Variants in COL23A1 observed in about 807,000 individuals in gnomAD.
The protein encoded by COL23A1 is collagen alpha-1(XXIII) chain.
A neutral mutation model predicts 99.3 loss-of-function variants in COL23A1; 97 were observed. The observed-to-expected ratio is 0.98, with a 90% CI of 0.83 to 1.16. The LOEUF is 1.16. Among genes scored for constraint, COL23A1 ranks in the 50% most tolerant of loss-of-function variants. The pLI, the probability that COL23A1 is intolerant of heterozygous loss-of-function variation, is 0.00. For synonymous variants in COL23A1, 320 were observed against 308.2 expected, an observed-to-expected ratio of 1.04 and a Z score of -0.40; for missense variants, 762 against 757.4, an observed-to-expected ratio of 1.01 and a Z score of -0.07.
chr5:178,342,867 A>G (rs1438556590), intron 2 of COL23A1, among the ~76,000 whole-genome samples: 1 of 152,250 alleles, frequency 6.6e-6, no homozygotes, highest in Non-Finnish European at 1.5e-5. Flanking sequence ...AACACATTCG[A>G]GTGAAACTTA....
intron 2 of COL23A1, among the ~76,000 whole-genome samples, chr5:178,545,713 C>T (rs1447209023): frequency 6.6e-6 from 1 of 152,084 alleles, no homozygotes; most frequent in Non-Finnish European, 1.5e-5. Flanking sequence ...TGCTTTTCCA[C>T]AGGGCAGCCA....
chr5:178,343,897 G>A (rs779540746), intron 2 of COL23A1, among the ~76,000 whole-genome samples: 1 of 152,074 alleles, frequency 6.6e-6, no homozygotes, highest in Non-Finnish European at 1.5e-5. Flanking sequence ...TCCTGAGCTC[G>A]TGATCTGCCC....
chr5:178,511,250 C>A (rs748404462), intron 2 of COL23A1, among the ~76,000 whole-genome samples: 7 of 152,196 alleles, frequency 4.6e-5, no homozygotes, highest in Non-Finnish European at 7.4e-5. Context: ...AGCCCATTTT[C>A]TTTGCAGGTT....
At position 178,387,684 on chromosome 5, in the gene COL23A1, C is replaced by T. The variant is rs1466541710; in HGVS notation, c.362-80765G>A. 6.6e-6 allele frequency among the ~76,000 whole-genome samples: 1 copy of T among 152,186 alleles called. No homozygotes were observed. Among genetic ancestry groups the T allele is most frequent in the Non-Finnish European group, 1.5e-5 (1 of 68,040 alleles). ...CGAATACAAAGATAAGGTCAAAGAA[C>T]ACACTCAGTAAATACACGCTGAGCT... On this transcript the variant is annotated intron_variant, in intron 2 of 28. Coordinates refer to ENST00000390654, the MANE Select transcript of COL23A1 (RefSeq NM_173465.4). This position sits in a 1 kb window ranked among gnomAD's most constrained non-coding sequence, Gnocchi z 4.7.
rs1761602072 is a variant in COL23A1 at position 178,546,735 on chromosome 5, CA to C, written c.361+13946del. Among the ~76,000 whole-genome samples, 3 of 152,234 alleles carry C rather than the reference CA, an allele frequency of 2.0e-5. No homozygotes were observed. The South Asian group carries it at 6.2e-4, about 32-fold the overall frequency. ...AGCCAGTCCTATTTGTACCATGTAG[CA>C]AGGGCAGCTATTTCTGTCCGTGACA... On this transcript the variant is annotated intron_variant, in intron 2 of 28. Coordinates refer to ENST00000390654, the MANE Select transcript of COL23A1 (RefSeq NM_173465.4).
At chr5:178,390,324 C>A (rs1012254588) in intron 2 of COL23A1, among the ~76,000 whole-genome samples, 1 of 152,236 alleles carries the variant, frequency 6.6e-6, no homozygotes, top group Non-Finnish European at 1.5e-5. Flanking sequence ...CTACAACTGG[C>A]TGGAGGAGGA....
At chr5:178,270,087 TGA>T (rs1346473768) in intron 6 of COL23A1, among the ~76,000 whole-genome samples, 1 of 152,138 alleles carries the variant, frequency 6.6e-6, no homozygotes, top group Non-Finnish European at 1.5e-5. Context: ...ACCCCTCCTA[TGA>T]GAGAGGGGTT....
Position 178,247,771 on chromosome 5 carries a change from T to G in COL23A1, c.1269+4A>C, listed in dbSNP as rs1446671729. ...CAAACCAAACCAAAGCAAACCGTCC[T>G]TACCATCGGGCCTGGGGGGCCAGGG... On this transcript the variant is annotated splice_donor_region_variant and intron_variant, in intron 21 of 28. Coordinates refer to ENST00000390654, the MANE Select transcript of COL23A1 (RefSeq NM_173465.4). 2 of 1,613,224 alleles carry G rather than the reference T, an allele frequency of 1.2e-6. No homozygotes were observed. The highest frequency in any genetic ancestry group is 1.7e-6 in the Non-Finnish European group (2 of 1,179,370).
chr5:178,500,955 G>A (rs562346024), intron 2 of COL23A1, among the ~76,000 whole-genome samples: 1 of 152,030 alleles, frequency 6.6e-6, no homozygotes, highest in Admixed American at 6.6e-5. Context: ...TTCAATAGGT[G>A]TAACATGACT....
rs146718807 is a variant in COL23A1, at chr5:178,306,823, C to T, written c.406+52G>A. 84 of 1,358,618 alleles carry T rather than the reference C, an allele frequency of 6.2e-5. No individual in the cohort carries two copies. Among genetic ancestry groups the T allele is most frequent in the Middle Eastern group, 2.0e-4 (1 of 5,074 alleles). 84.2% of individuals were successfully genotyped at this position (1,358,618 alleles called of 1,614,324 possible). On this transcript the variant is annotated intron_variant, in intron 3 of 28. Coordinates refer to ENST00000390654, the MANE Select transcript of COL23A1 (RefSeq NM_173465.4). The surrounding 1 kb of genome is among the most constrained non-coding windows in gnomAD (Gnocchi z 4.1). ...CAGGCCCTGCAGTCAGAGCCTGGGG[C>T]CATGGTGGCTTCCAAGCCTTGGCTT...
chr5:178,376,669 G>C (rs561927226), intron 2 of COL23A1, among the ~76,000 whole-genome samples: 3 of 152,318 alleles, frequency 2.0e-5, no homozygotes, highest in African/African-American at 7.2e-5. Flanking sequence ...AAAGGTGAGG[G>C]AACATGCCCA....
At chr5:178,272,736 C>A (rs1455593360) in intron 5 of COL23A1, among the ~76,000 whole-genome samples, 1 of 152,098 alleles carries the variant, frequency 6.6e-6, no homozygotes, top group Admixed American at 6.5e-5. Flanking sequence ...TTTGGCCCTG[C>A]CCCTTGTCCC....
chr5:178,518,899 C>T (rs1266565839), intron 2 of COL23A1, among the ~76,000 whole-genome samples: 3 of 148,988 alleles, frequency 2.0e-5, no homozygotes, highest in Non-Finnish European at 4.5e-5. Flanking sequence ...GCTCCGCTGC[C>T]CGCTGAACTC....
chr5:178,538,847 T>C (rs1443629530), intron 2 of COL23A1, among the ~76,000 whole-genome samples: 1 of 152,094 alleles, frequency 6.6e-6, no homozygotes, highest in Non-Finnish European at 1.5e-5. Context: ...GATGAAAGGA[T>C]AAACACACTG....
chr5:178,327,231 T>C (rs948139302), intron 2 of COL23A1, among the ~76,000 whole-genome samples: 36 of 152,238 alleles, frequency 2.4e-4, no homozygotes, highest in African/African-American at 8.4e-4. Context: ...TCCCAGTTCC[T>C]GCCCTTGAGT....
chr5:178,258,953 G>A (rs1765485519), intron 12 of COL23A1, among the ~76,000 whole-genome samples: 1 of 142,698 alleles, frequency 7.0e-6, no homozygotes, highest in African/African-American at 2.6e-5. Flanking sequence ...TCACTCTGTC[G>A]CCCAGCAGGT....
At chr5:178,479,758 G>T (rs1460631292) in intron 2 of COL23A1, among the ~76,000 whole-genome samples, 2 of 152,092 alleles carry the variant, frequency 1.3e-5, no homozygotes, top group Non-Finnish European at 2.9e-5. Context: ...CAAAATACTT[G>T]TAAGTGAAAT....
intron 2 of COL23A1, among the ~76,000 whole-genome samples, chr5:178,369,362 G>T (rs1291801300): frequency 1.3e-5 from 2 of 152,192 alleles, no homozygotes; most frequent in African/African-American, 2.4e-5. Flanking sequence ...ATGTGACCTG[G>T]GTTAAGGTGA....
chr5:178,247,447 G>A, intron 22 of COL23A1, 79 bp downstream of exon 22: 3 of 1,535,150 alleles, frequency 2.0e-6, no homozygotes, highest in Non-Finnish European at 2.7e-6. Context: ...CAGGCCCTTT[G>A]CTTTGCCCAT....
Sources: allele counts gnomAD v4.1 joint callset (sites outside exome capture counted in the v4.1 genomes callset), GRCh38; gene constraint gnomAD v4.1.1; non-coding constraint Gnocchi (gnomAD v3.1); transcripts MANE v1.5; gene names NCBI Gene and HGNC (gene_info 2026-07-23, HGNC 2026-07-21).